Variants in POU6F2 observed in about 807,000 individuals in gnomAD.
POU6F2 encodes the protein POU domain, class 6, transcription factor 2.
In POU6F2, 31 loss-of-function variants were observed where a neutral mutation model predicts 71.3. That is an observed-to-expected ratio of 0.43 (90% CI 0.33 to 0.59). POU6F2 has a LOEUF of 0.59. Ranked by LOEUF, POU6F2 falls within the 20% of genes least tolerant of loss-of-function variation. The pLI is 0.04. For synonymous variants in POU6F2, 347 were observed against 355.7 expected (o/e 0.98, Z 0.27); for missense variants, 783 against 856.8 (o/e 0.91, Z 1.07).
intron 2 of POU6F2, among the ~76,000 whole-genome samples, chr7:39,114,920 T>G (rs1025394772): frequency 6.6e-6 from 1 of 152,152 alleles, no homozygotes; most frequent in African/African-American, 2.4e-5. Flanking sequence ...ATGTGTGTGT[T>G]TGCATTATAT....
At chr7:39,098,824 G>A (rs1285426098) in intron 2 of POU6F2, among the ~76,000 whole-genome samples, 2 of 152,170 alleles carry the variant, frequency 1.3e-5, no homozygotes, top group Admixed American at 6.5e-5. Context: ...AATATCACAC[G>A]TTGTTAAGAG....
At chr7:39,025,201 C>G (rs1425766845) in intron 1 of POU6F2, among the ~76,000 whole-genome samples, 2 of 152,152 alleles carry the variant, frequency 1.3e-5, no homozygotes, top group African/African-American at 4.8e-5. Flanking sequence ...TTGGTCTATT[C>G]AGAGATTCAA....
At chr7:39,238,357 A>G (rs1246131166) in intron 4 of POU6F2, among the ~76,000 whole-genome samples, 1 of 152,044 alleles carries the variant, frequency 6.6e-6, no homozygotes, top group Non-Finnish European at 1.5e-5. Flanking sequence ...ACTTACCAGA[A>G]AGCAAAGTCA....
intron 4 of POU6F2, among the ~76,000 whole-genome samples, chr7:39,245,729 T>C (rs948834837): frequency 6.6e-6 from 1 of 152,178 alleles, no homozygotes; most frequent in Non-Finnish European, 1.5e-5. Flanking sequence ...CAGTATATAA[T>C]ACATGGGACT....
rs191647593 is a variant in POU6F2, at chr7:39,249,682, C to G, written c.598+42062C>G. ...AATAGTGTAATTGCCTTAAACCCCACAATCATAATTGTTATCAAAAAATAA... is the reference window on the plus strand; with the variant it reads ...AATAGTGTAATTGCCTTAAACCCCAGAATCATAATTGTTATCAAAAAATAA... On this transcript the variant is annotated intron_variant, in intron 4 of 9. Transcript: ENST00000518318. Among the ~76,000 whole-genome samples the G allele has an allele frequency of 2.8e-4, 42 of 152,280 alleles. 1 individual carries two copies. The highest frequency in any genetic ancestry group is 2.5e-3 in the East Asian group (13 of 5,184).
At chr7:39,055,705 T>C (rs1022738183) in intron 1 of POU6F2, among the ~76,000 whole-genome samples, 1 of 152,088 alleles carries the variant, frequency 6.6e-6, no homozygotes, top group African/African-American at 2.4e-5. Context: ...AGCAGGTAAG[T>C]AATGTTCTAG....
At chr7:39,286,909 T>A (rs192981716) in intron 4 of POU6F2, among the ~76,000 whole-genome samples, 90 of 150,750 alleles carry the variant, frequency 6.0e-4, no homozygotes, top group African/African-American at 2.2e-3. Context: ...ATTACAGGCA[T>A]GAGCCACCAT....
intron 2 of POU6F2, among the ~76,000 whole-genome samples, chr7:39,201,110 T>C (rs190598300): frequency 5.1e-4 from 78 of 152,280 alleles, no homozygotes; most frequent in Non-Finnish European, 4.4e-5. Context: ...GCATGCGCTG[T>C]TTCATGAAAG....
At chr7:39,046,646 G>C (rs1790297449) in intron 1 of POU6F2, among the ~76,000 whole-genome samples, 1 of 151,874 alleles carries the variant, frequency 6.6e-6, no homozygotes, top group Non-Finnish European at 1.5e-5. Flanking sequence ...ATGGGAGCCT[G>C]TCTTTTTCAT....
rs982139150 is a variant in POU6F2 at position 39,302,404 on chromosome 7, A to G, written c.599-37238A>G. 5.9e-5 allele frequency among the ~76,000 whole-genome samples: 9 copies of G among 152,342 alleles called. 1 individual carries two copies. In the South Asian group the frequency reaches 1.9e-3, roughly 32 times the overall value. On this transcript the variant is annotated intron_variant, in intron 4 of 9. Coordinates refer to ENST00000518318, the MANE Select transcript of POU6F2 (RefSeq NM_001370959.1). ...TGTTCCAAAGATAAAATGTTTGGGT[A>G]AGAGTCATTTGAAGACTAATAGAGT...
intron 2 of POU6F2, 29 bp downstream of exon 2, chr7:39,086,060 T>G (rs774262047): frequency 5.6e-6 from 9 of 1,605,350 alleles, no homozygotes; most frequent in Non-Finnish European, 6.8e-6. Context: ...TTCATTTCAG[T>G]ACTACCATGT....
At chr7:39,022,496 T>TG (rs907678875) in intron 1 of POU6F2, among the ~76,000 whole-genome samples, 10 of 152,206 alleles carry the variant, frequency 6.6e-5, no homozygotes, top group African/African-American at 1.2e-4. Flanking sequence ...AGCCAAGACA[T>TG]GGGACACTCC....
intron 5 of POU6F2, among the ~76,000 whole-genome samples, chr7:39,359,723 A>C (rs1786336443): frequency 6.6e-6 from 1 of 152,320 alleles, no homozygotes; most frequent in African/African-American, 2.4e-5. Context: ...AATTTTTCTC[A>C]TAATACAATA....
intron 1 of POU6F2, among the ~76,000 whole-genome samples, chr7:39,064,491 C>A (rs188895957): frequency 6.6e-6 from 1 of 150,944 alleles, no homozygotes; most frequent in Admixed American, 6.6e-5. Flanking sequence ...ACAAATGAGA[C>A]GCATAAAGAA....
At chr7:39,224,143 A>T (rs1413767388) in intron 4 of POU6F2, among the ~76,000 whole-genome samples, 3 of 152,158 alleles carry the variant, frequency 2.0e-5, no homozygotes, top group Non-Finnish European at 4.4e-5. Flanking sequence ...AAAGAAAAGA[A>T]TTGGTGTACA....
In POU6F2 at chr7:39,414,474, G is replaced by A. The variant is rs374658329; in HGVS notation, c.1113+7734G>A. The stretch of plus-strand genomic sequence containing the variant: ...TGGAGGGGGCGGCTGTGGAGTGAAG[G>A]GCGGAAGTGCCCTCGCCGTCCTGAG... On this transcript the variant is annotated intron_variant, in intron 6 of 9. Transcript: ENST00000518318. Among the ~76,000 whole-genome samples the A allele has an allele frequency of 5.8e-4, 89 of 152,274 alleles. No homozygotes were observed. The Middle Eastern group carries it at 0.01, about 17-fold the overall frequency.
chr7:39,281,119 T>C (rs1784555254), intron 4 of POU6F2, among the ~76,000 whole-genome samples: 1 of 152,132 alleles, frequency 6.6e-6, no homozygotes, highest in Non-Finnish European at 1.5e-5. Flanking sequence ...TATATTTTTT[T>C]ATTTTGATAA....
rs201176732 is a variant in POU6F2 at position 39,016,869 on chromosome 7, A to G, written c.105+38811A>G. Among the ~76,000 whole-genome samples, 26 of 152,324 alleles carry G rather than the reference A, an allele frequency of 1.7e-4. No individual in the cohort carries two copies. The East Asian group carries it at 4.2e-3, about 25-fold the overall frequency. ...TTTAAGGGACTTGAAGAAGGCCGAC[A>G]GCCACTGTGGCAGAGCACAGAGAGC... On this transcript the variant is annotated intron_variant, in intron 1 of 9. Transcript: ENST00000518318.
At chr7:39,356,297 G>A (rs1460666294) in intron 5 of POU6F2, among the ~76,000 whole-genome samples, 1 of 151,948 alleles carries the variant, frequency 6.6e-6, no homozygotes, top group Non-Finnish European at 1.5e-5. Context: ...CTCCCACCAT[G>A]CCCAGATGTG....
Sources: allele counts gnomAD v4.1 joint callset (sites outside exome capture counted in the v4.1 genomes callset), GRCh38; gene constraint gnomAD v4.1.1; transcripts MANE v1.5; gene names NCBI Gene and HGNC (gene_info 2026-07-23, HGNC 2026-07-21).